SERPINF1: variants seen among roughly 807,000 people sequenced by gnomAD.
SERPINF1 encodes the protein pigment epithelium-derived factor.
SERPINF1 carries 29 observed loss-of-function variants against 37.3 expected under a neutral mutation model. That is an observed-to-expected ratio of 0.78 (90% confidence interval 0.58 to 1.06). SERPINF1 has a LOEUF of 1.06. Among genes scored for constraint, SERPINF1 ranks in the 50% least tolerant of loss-of-function variants. The pLI is 0.00. For missense variants in SERPINF1, 553 were observed against 532.2 expected, an observed-to-expected ratio of 1.04 and a Z score of -0.38; for synonymous variants, 281 against 227.9, an observed-to-expected ratio of 1.23 and a Z score of -2.10.
intron 1 of SERPINF1, among the ~76,000 whole-genome samples, chr17:1,762,450 G>A (rs983619293): frequency 3.3e-5 from 5 of 152,198 alleles, no homozygotes; most frequent in African/African-American, 9.6e-5. Context: ...CTGCTGGGTC[G>A]GGTCTGAGCA....
chr17:1,771,964 C>T lies in SERPINF1; in HGVS notation c.532C>T (p.Gln178Ter). The T allele has an allele frequency of 1.9e-6, 3 of 1,613,962 alleles. No homozygotes were observed. Among genetic ancestry groups the T allele is most frequent in the Non-Finnish European group, 2.5e-6 (3 of 1,179,990 alleles). ...VLTGNPRLDL[Q>*]EINNWVQAQM... ...GACGGGCAACCCTCGCTTGGACCTG[C>T]AAGAGATCAACAACTGGGTGCAGGC... The change falls in exon 5 of 8, where the codon CAA becomes TAA. Residue 178 changes from glutamine to a stop codon, truncating the protein, a stop_gained. Coordinates refer to ENST00000254722, the MANE Select transcript of SERPINF1 (RefSeq NM_002615.7). LOFTEE classifies it high-confidence loss of function.
chr17:1,766,133 A>G (rs1907351480), intron 1 of SERPINF1: 1 of 152,256 alleles, frequency 6.6e-6, no homozygotes, highest in Admixed American at 6.6e-5. Context: ...GGGGTTGCCC[A>G]AAGTCTTATC....
intron 2 of SERPINF1, among the ~76,000 whole-genome samples, chr17:1,769,356 C>G (rs1907577131): frequency 6.6e-6 from 1 of 151,540 alleles, no homozygotes; most frequent in Non-Finnish European, 1.5e-5. Flanking sequence ...TTGCAGTGAG[C>G]CGAGATCACG....
At chr17:1,764,710 A>G (rs1479967767) in intron 1 of SERPINF1, among the ~76,000 whole-genome samples, 1 of 152,126 alleles carries the variant, frequency 6.6e-6, no homozygotes, top group Admixed American at 6.6e-5. Flanking sequence ...TTTCTGATCC[A>G]CTTTGTTCTG....
Position 1,771,059 on chromosome 17 carries a change from A to G in SERPINF1, c.314A>G (p.His105Arg). Residue 105 changes from histidine to arginine, a missense_variant, in exon 4 of 8, where the codon CAC becomes CGC. By Grantham distance (29) the His-to-Arg change is conservative. Coordinates refer to ENST00000254722, the MANE Select transcript of SERPINF1 (RefSeq NM_002615.7). ...GAEQRTESII[H>R]RALYYDLISS... is the part of the protein sequence containing the mutation. ...GAGCAGCGAACAGAATCCATCATTC[A>G]CCGGGCTCTCTACTATGACTTGATC... 6.2e-7 allele frequency: 1 copy of G among 1,614,004 alleles called. No individual in the cohort carries two copies. Among genetic ancestry groups the G allele is most frequent in the Non-Finnish European group, 8.5e-7 (1 of 1,179,968 alleles).
intron 5 of SERPINF1, 126 bp from the exon 6 acceptor site, chr17:1,774,932 A>G: frequency 8.5e-7 from 1 of 1,178,296 alleles, no homozygotes; most frequent in Non-Finnish European, 1.3e-6. Context: ...CTGAGGCCTC[A>G]GAGCCCCTGA....
At position 1,776,658 on chromosome 17, in the gene SERPINF1, C is replaced by T; in HGVS notation, c.913C>T (p.Leu305=). 1 of 1,613,992 alleles carries T rather than the reference C, an allele frequency of 6.2e-7. No individual in the cohort carries two copies. The highest frequency in any genetic ancestry group is 8.5e-7 in the Non-Finnish European group (1 of 1,180,012). ...SEFIHDIDRE[L]KTVQAVLTVP... ...GTTCATTCATGACATAGACCGAGAA[C>T]TGAAGACCGTGCAGGCGGTCCTCAC... The change falls in exon 7 of 8, where the codon CTG becomes TTG. Residue 305 remains leucine (L), a synonymous_variant. Coordinates refer to ENST00000254722, the MANE Select transcript of SERPINF1 (RefSeq NM_002615.7).
At chr17:1,772,613 C>T (rs542708207) in intron 5 of SERPINF1, among the ~76,000 whole-genome samples, 2 of 149,634 alleles carry the variant, frequency 1.3e-5, no homozygotes, top group South Asian at 4.2e-4. Flanking sequence ...GGCTGGAGTG[C>T]AGTGGCGCGA....
In SERPINF1 at chr17:1,769,964, A is replaced by C; in HGVS notation, c.197A>C (p.Tyr66Ser). 6.2e-7 allele frequency: 1 copy of C among 1,614,104 alleles called. No individual in the cohort carries two copies. Among genetic ancestry groups the C allele is most frequent in the African/African-American group, 1.3e-5 (1 of 75,020 alleles). The change falls in exon 3 of 8, where the codon TAC becomes TCC. Residue 66 changes from tyrosine to serine, a missense_variant. Coordinates refer to ENST00000254722, the MANE Select transcript of SERPINF1 (RefSeq NM_002615.7). ...GTCTCCAACTTCGGCTATGACCTGT[A>C]CCGGGTGCGATCCAGCACGAGCCCC... The part of the protein sequence containing the change: ...AAVSNFGYDL[Y>S]RVRSSTSPTT...
rs1405484724 is a variant in SERPINF1 at position 1,769,959 on chromosome 17, C to T, written c.192C>T (p.Asp64=). 1.2e-6 allele frequency: 2 copies of T among 1,614,062 alleles called. No individual in the cohort carries two copies. Among genetic ancestry groups the T allele is most frequent in the Non-Finnish European group, 1.7e-6 (2 of 1,180,006 alleles). ...CGGCTGTCTCCAACTTCGGCTATGACCTGTACCGGGTGCGATCCAGCACGA... is the reference window on the plus strand; with the variant it reads ...CGGCTGTCTCCAACTTCGGCTATGATCTGTACCGGGTGCGATCCAGCACGA... ...LAAAVSNFGY[D]LYRVRSSTSP... The change falls in exon 3 of 8, where the codon GAC becomes GAT. Residue 64 remains aspartate, a synonymous_variant. Coordinates refer to ENST00000254722, the MANE Select transcript of SERPINF1 (RefSeq NM_002615.7).
intron 2 of SERPINF1, 23 bp downstream of exon 2, chr17:1,767,017 C>A (rs761010445): frequency 1.1e-4 from 169 of 1,542,122 alleles, no homozygotes; most frequent in Admixed American, 7.3e-4. Flanking sequence ...GCGGGGAGGG[C>A]GTGGTCAGCA....
At chr17:1,763,178 C>T (rs1029176820) in intron 1 of SERPINF1, among the ~76,000 whole-genome samples, 1 of 152,180 alleles carries the variant, frequency 6.6e-6, no homozygotes, top group Non-Finnish European at 1.5e-5. Flanking sequence ...GGTGCCCTTC[C>T]CCATGCTATC....
chr17:1,770,835 C>A (rs748067321), intron 3 of SERPINF1, 194 bp from the exon 4 acceptor site: 10 of 648,502 alleles, frequency 1.5e-5, no homozygotes, highest in Non-Finnish European at 2.5e-5. Context: ...ACCTTCCAGG[C>A]CTGATGCCTT....
Position 1,769,859 on chromosome 17 carries a change from C to T in SERPINF1, c.92C>T (p.Pro31Leu). ...CTTCCTGTCTCCTGCCAGGGCTCCC[C>T]AGACCCCGACAGCACAGGGGCGCTG... ...NPASPPEEGS[P>L]DPDSTGALVE... The change falls in exon 3 of 8, where the codon CCA becomes CTA. Residue 31 changes from proline (P) to leucine (L), a missense_variant. Transcript: ENST00000254722. The T allele has an allele frequency of 6.2e-7, 1 of 1,614,236 alleles. No individual in the cohort carries two copies. The highest frequency in any genetic ancestry group is 8.5e-7 in the Non-Finnish European group (1 of 1,180,040).
intron 5 of SERPINF1, among the ~76,000 whole-genome samples, chr17:1,773,214 T>G (rs187733796): frequency 1.3e-5 from 2 of 152,236 alleles, no homozygotes; most frequent in Admixed American, 1.3e-4. Context: ...CTGGGTCTGT[T>G]TGGGGCTTTC....
intron 1 of SERPINF1, among the ~76,000 whole-genome samples, chr17:1,765,888 AAT>A (rs1555571542): frequency 0.028 from 4,114 of 145,372 alleles, 55 homozygotes; most frequent in Middle Eastern, 0.059. Context: ...AAAAAAAAAA[AAT>A]TTCAAATGTG....
chr17:1,767,581 G>A (rs75028899), intron 2 of SERPINF1, among the ~76,000 whole-genome samples: 2,237 of 152,310 alleles, frequency 0.015, 61 homozygotes, highest in African/African-American at 0.05. Context: ...CAGAAAGGGC[G>A]CAGCTGGGTT....
At chr17:1,769,373 T>C (rs1014994197) in intron 2 of SERPINF1, among the ~76,000 whole-genome samples, 16 of 147,812 alleles carry the variant, frequency 1.1e-4, no homozygotes, top group Admixed American at 2.7e-4. Flanking sequence ...CACGCCACCG[T>C]ACTCCAGCCT....
At position 1,771,137 on chromosome 17, in the gene SERPINF1, C is replaced by A. The variant is rs148005190; in HGVS notation, c.392C>A (p.Ala131Asp). 1,236 of 1,613,758 alleles carry A rather than the reference C, an allele frequency of 7.7e-4. 2 individuals carry two copies. Among genetic ancestry groups the A allele is most frequent in the Non-Finnish European group, 9.7e-4 (1,146 of 1,179,810 alleles). ...AAGGAGCTCCTTGACACGGTCACTG[C>A]CCCCCAGAAGAACCTCAAGAGTGCC... ...TYKELLDTVT[A>D]PQKNLKSASR... Residue 131 changes from alanine (A) to aspartate (D), a missense_variant, in exon 4 of 8, where the codon GCC becomes GAC. By Grantham distance (126) the Ala-to-Asp change is moderately radical. Coordinates refer to ENST00000254722, the MANE Select transcript of SERPINF1 (RefSeq NM_002615.7).
Sources: gnomAD v4.1 joint callset for allele counts (sites outside exome capture counted in the v4.1 genomes callset) on GRCh38, gnomAD v4.1.1 for gene constraint, MANE v1.5 for transcripts, NCBI Gene and HGNC (gene_info 2026-07-23, HGNC 2026-07-21) for gene names.